Variants in C2CD2L observed in about 807,000 individuals in gnomAD.
The protein encoded by C2CD2L is phospholipid transfer protein C2CD2L.
C2CD2L carries 24 observed loss-of-function variants against 69.9 expected under a neutral mutation model. That is an observed-to-expected ratio of 0.34 (90% CI 0.25 to 0.48). The LOEUF is 0.48. Ranked by LOEUF, C2CD2L falls within the 20% of genes least tolerant of loss-of-function variation. The probability of loss-of-function intolerance (pLI) is 0.99; values close to 1 mark genes in which losing one functional copy is unlikely to be tolerated. For synonymous variants in C2CD2L, 367 were observed against 391.0 expected (o/e 0.94, Z 0.72); for missense variants, 811 against 941.5 (o/e 0.86, Z 1.81).
Position 119,110,888 on chromosome 11 carries a change from C to T in C2CD2L, c.612C>T (p.Leu204=), listed in dbSNP as rs745374994. ...AGGAAATCCCTGGTGAGGGGCTGCT[C>T]ATATCCTGGGCCTTCACTGATCGCC... ...NLEEIPGEGL[L]ISWAFTDRPD... is the part of the protein sequence containing the mutation. The change falls in exon 4 of 14, where the codon CTC becomes CTT. Residue 204 remains leucine (L), a synonymous_variant. Transcript: ENST00000648610. This position sits in a 1 kb window ranked among gnomAD's most constrained non-coding sequence, Gnocchi z 5.7. 12 of 1,614,026 alleles carry T rather than the reference C, an allele frequency of 7.4e-6. No individual in the cohort carries two copies. The East Asian group carries it at 2.2e-4, about 30-fold the overall frequency.
intron 13 of C2CD2L, chr11:119,115,793 C>A (rs1407531646): frequency 1.7e-6 from 1 of 587,646 alleles, no homozygotes; most frequent in Non-Finnish European, 3.0e-6. Flanking sequence ...CAGATCCCCA[C>A]AAGTACCACG....
chr11:119,113,272 A>AC, intron 10 of C2CD2L: 1 of 372,170 alleles, frequency 2.7e-6, no homozygotes, highest in Non-Finnish European at 4.9e-6. Flanking sequence ...TGGCATTTCT[A>AC]CCCCACTCAG....
chr11:119,113,272 A>G (rs189169673), intron 10 of C2CD2L: 20 of 372,170 alleles, frequency 5.4e-5, no homozygotes, highest in South Asian at 1.7e-4. Context: ...TGGCATTTCT[A>G]CCCCACTCAG....
chr11:119,107,994 G>A lies in C2CD2L; in HGVS notation c.253G>A (p.Val85Ile). ...TRAGAAEEPGVRGLLASLFAF... is the reference protein window; with the variant it reads ...TRAGAAEEPGIRGLLASLFAF... ...GGCTGGCGCCGCCGAGGAGCCAGGA[G>A]TCCGGGGCCTCCTGGCGTCACTCTT... Residue 85 changes from valine (V) to isoleucine (I), a missense_variant, in exon 1 of 14, where the codon GTC (valine) becomes ATC (isoleucine). Transcript: ENST00000648610. The surrounding 1 kb of genome is among the most constrained non-coding windows in gnomAD (Gnocchi z 5.4). 2 of 1,583,072 alleles carry A rather than the reference G, an allele frequency of 1.3e-6. No homozygotes were observed. Among genetic ancestry groups the A allele is most frequent in the Non-Finnish European group, 1.7e-6 (2 of 1,168,162 alleles).
In C2CD2L at chr11:119,114,821, TCTCAGCTA is replaced by T. The variant is rs1157146159; in HGVS notation, c.1909+462_1909+469del. The T allele has an allele frequency of 5.1e-6, 1 of 195,294 alleles. No homozygotes were observed. The highest frequency in any genetic ancestry group is 1.1e-5 in the Non-Finnish European group (1 of 93,910). The allele number at this position is 195,294 out of a possible 1,614,324, so 12.1% of individuals were successfully genotyped here. A position where few individuals can be genotyped will look rare whatever the true frequency, so the allele number is the denominator to read the frequency against. ...TGGGCGTAGTGGCACACACCTGTAA[TCTCAGCTA>T]CTCAGGGGGCTGAGGAGGGAGGATT... On this transcript the variant is annotated intron_variant, in intron 13 of 13. Transcript: ENST00000648610. The surrounding 1 kb of genome is among the most constrained non-coding windows in gnomAD (Gnocchi z 5.1).
chr11:119,110,274 G>C lies in C2CD2L; in HGVS notation c.450+75G>C, dbSNP rs1054689897. The C allele has an allele frequency of 8.9e-7, 1 of 1,118,888 alleles. No individual in the cohort carries two copies. The highest frequency in any genetic ancestry group is 1.3e-6 in the Non-Finnish European group (1 of 741,710). 69.3% of individuals were successfully genotyped at this position (1,118,888 alleles called of 1,614,324 possible). A position where few individuals can be genotyped will look rare whatever the true frequency, so the allele number is the denominator to read the frequency against. ...CCCAAGGGCTCCCTTTAGTCCAGAG[G>C]TTCTTAACCTGGAGTCTGTGAATGC... On this transcript the variant is annotated intron_variant, in intron 2 of 13. Coordinates refer to ENST00000648610, the MANE Select transcript of C2CD2L (RefSeq NM_001290474.2). This position sits in a 1 kb window ranked among gnomAD's most constrained non-coding sequence, Gnocchi z 5.7.
rs1278779989 is a variant in C2CD2L at position 119,118,231 on chromosome 11, A to G, written c.*1975A>G. 2.6e-5 allele frequency: 4 copies of G among 152,030 alleles called. No homozygotes were observed. The highest frequency in any genetic ancestry group is 5.9e-5 in the Non-Finnish European group (4 of 68,010). 9.4% of individuals were successfully genotyped at this position (152,030 alleles called of 1,614,324 possible). On this transcript the variant is annotated 3_prime_UTR_variant, in exon 14 of 14. Transcript: ENST00000648610. ...ATCATACCCAATAGGTAGTTTTTCA[A>G]CCCTCACCCTCCTCCCACCTTCTCA...
chr11:119,114,389 CCCT>C lies in C2CD2L; in HGVS notation c.1909+26_1909+28del. The C allele has an allele frequency of 6.2e-7, 1 of 1,611,128 alleles. No individual in the cohort carries two copies. Among genetic ancestry groups the C allele is most frequent in the Middle Eastern group, 1.7e-4 (1 of 6,058 alleles). On this transcript the variant is annotated intron_variant, in intron 13 of 13. Coordinates refer to ENST00000648610, the MANE Select transcript of C2CD2L (RefSeq NM_001290474.2). The surrounding 1 kb of genome is among the most constrained non-coding windows in gnomAD (Gnocchi z 5.1). ...AGGTAGGGGGACGTTGGCAGGGTGC[CCCT>C]CATCTCTTCTTTTATACACATATCA...
rs1946815237 is a variant in C2CD2L, at chr11:119,113,846, C to T, written c.1490-9C>T. Reference sequence around the variant, plus strand: ...AAGTCAGGTTATTCATTCTCTGCACCCCTAGCAGGGGACAGCCACCTTTCC... The same window carrying T: ...AAGTCAGGTTATTCATTCTCTGCACTCCTAGCAGGGGACAGCCACCTTTCC... On this transcript the variant is annotated splice_polypyrimidine_tract_variant and intron_variant, in intron 11 of 13. Transcript: ENST00000648610. The T allele has an allele frequency of 6.2e-7, 1 of 1,613,744 alleles. No homozygotes were observed. The highest frequency in any genetic ancestry group is 1.7e-5 in the Admixed American group (1 of 59,996).
Position 119,114,338 on chromosome 11 carries a change from G to C in C2CD2L, c.1882G>C (p.Glu628Gln). 1 of 1,614,176 alleles carries C rather than the reference G, an allele frequency of 6.2e-7. No individual in the cohort carries two copies. Among genetic ancestry groups the C allele is most frequent in the Non-Finnish European group, 8.5e-7 (1 of 1,180,040 alleles). ...GGAAACGGGGTCCACTGGTGCCCTG[G>C]AGACCCGCAGCCTCAAGGATCACAA... ...ESETGSTGALETRSLKDHKVS... is the reference protein window; with the variant it reads ...ESETGSTGALQTRSLKDHKVS... Residue 628 changes from glutamate (E) to glutamine (Q), a missense_variant, in exon 13 of 14, where the codon GAG (glutamate) becomes CAG (glutamine). By Grantham distance (29) the Glu-to-Gln change is conservative (BLOSUM62 2). Transcript: ENST00000648610. The surrounding 1 kb of genome is among the most constrained non-coding windows in gnomAD (Gnocchi z 5.1).
In C2CD2L at chr11:119,114,479, C is replaced by G; in HGVS notation, c.1909+114C>G. On this transcript the variant is annotated intron_variant, in intron 13 of 13. Coordinates refer to ENST00000648610, the MANE Select transcript of C2CD2L (RefSeq NM_001290474.2). This position sits in a 1 kb window ranked among gnomAD's most constrained non-coding sequence, Gnocchi z 5.1. ...TCCTCCCCTAAGAGATAGCCGGATT[C>G]CCAGCCTAGTTCAGCCAAGCTAGCC... 9.1e-7 allele frequency: 1 copy of G among 1,099,420 alleles called. No homozygotes were observed. The highest frequency in any genetic ancestry group is 1.3e-6 in the Non-Finnish European group (1 of 757,906). The allele number at this position is 1,099,420 out of a possible 1,614,324, so 68.1% of individuals were successfully genotyped here. A position where few individuals can be genotyped will look rare whatever the true frequency, so the allele number is the denominator to read the frequency against.
rs1565772935 is a variant in C2CD2L at position 119,109,644 on chromosome 11, G to A, written c.355-460G>A. The stretch of plus-strand genomic sequence containing the variant: ...TTCTGCAGCTCTTATCTTGAACAAG[G>A]TGGCTCTACCACCTTTACCGGGGCT... On this transcript the variant is annotated intron_variant, in intron 1 of 13. Transcript: ENST00000648610. This position sits in a 1 kb window ranked among gnomAD's most constrained non-coding sequence, Gnocchi z 5.1. Among the ~76,000 whole-genome samples, 1 of 152,236 alleles carries A rather than the reference G, an allele frequency of 6.6e-6. No individual in the cohort carries two copies. Among genetic ancestry groups the A allele is most frequent in the Non-Finnish European group, 1.5e-5 (1 of 68,042 alleles).
Position 119,117,699 on chromosome 11 carries a change from C to G in C2CD2L, c.*1443C>G, listed in dbSNP as rs979105692. ...GGGCAAATTTCAGGGATTGATAGAT[C>G]CTAGCAAACTGTGTCCCTGGTTCCC... On this transcript the variant is annotated 3_prime_UTR_variant, in exon 14 of 14. Transcript: ENST00000648610. 2 of 152,208 alleles carry G rather than the reference C, an allele frequency of 1.3e-5. No individual in the cohort carries two copies. The highest frequency in any genetic ancestry group is 4.8e-5 in the African/African-American group (2 of 41,448). The allele number at this position is 152,208 out of a possible 1,614,324, so 9.4% of individuals were successfully genotyped here. A position where few individuals can be genotyped will look rare whatever the true frequency, so the allele number is the denominator to read the frequency against.
chr11:119,107,525 C>G lies in C2CD2L; in HGVS notation c.-217C>G. 12 of 407,692 alleles carry G rather than the reference C, an allele frequency of 2.9e-5. No individual in the cohort carries two copies. The highest frequency in any genetic ancestry group is 5.2e-5 in the Non-Finnish European group (12 of 232,742). 25.3% of individuals were successfully genotyped at this position (407,692 alleles called of 1,614,324 possible). A position where few individuals can be genotyped will look rare whatever the true frequency, so the allele number is the denominator to read the frequency against. ...CTGACCAAGCTAGGAGAGACCCGGA[C>G]CACGGAGACAGAGACCCCGGCATCG... On this transcript the variant is annotated 5_prime_UTR_variant, in exon 1 of 14. Coordinates refer to ENST00000648610, the MANE Select transcript of C2CD2L (RefSeq NM_001290474.2). This position sits in a 1 kb window ranked among gnomAD's most constrained non-coding sequence, Gnocchi z 5.4.
chr11:119,114,093 A>G lies in C2CD2L; in HGVS notation c.1637A>G (p.Gln546Arg), dbSNP rs778821534. The change falls in exon 13 of 14, where the codon CAG (glutamine) becomes CGG (arginine). Residue 546 changes from glutamine (Q) to arginine (R), a missense_variant. By Grantham distance (43) the Gln-to-Arg change is conservative. Coordinates refer to ENST00000648610, the MANE Select transcript of C2CD2L (RefSeq NM_001290474.2). This position sits in a 1 kb window ranked among gnomAD's most constrained non-coding sequence, Gnocchi z 5.1. ...CCCTCCTGCCAGGTGCCCATTGCTC[A>G]GGACGAGTTGGCGCTATCCCTGGGC... ...ISGVSKVPIA[Q>R]DELALSLGYA... 4 of 1,614,138 alleles carry G rather than the reference A, an allele frequency of 2.5e-6. No individual in the cohort carries two copies. Among genetic ancestry groups the G allele is most frequent in the Admixed American group, 3.3e-5 (2 of 60,022 alleles).
At position 119,116,299 on chromosome 11, in the gene C2CD2L, C is replaced by T; in HGVS notation, c.*43C>T. 1 of 1,467,176 alleles carries T rather than the reference C, an allele frequency of 6.8e-7. No homozygotes were observed. Among genetic ancestry groups the T allele is most frequent in the Admixed American group, 1.7e-5 (1 of 59,376 alleles). 90.9% of individuals were successfully genotyped at this position (1,467,176 alleles called of 1,614,324 possible). A position where few individuals can be genotyped will look rare whatever the true frequency, so the allele number is the denominator to read the frequency against. On this transcript the variant is annotated 3_prime_UTR_variant, in exon 14 of 14. Transcript: ENST00000648610. ...GGCACGAGTTCTCTCAGCCCATTCC[C>T]CACCTCCCCTTCCATACCCCTTCCT...
Position 119,116,375 on chromosome 11 carries a change from G to A in C2CD2L, c.*119G>A, listed in dbSNP as rs573051048. The A allele has an allele frequency of 5.0e-5, 41 of 817,700 alleles. No individual in the cohort carries two copies. The African/African-American group carries it at 6.1e-4, about 12-fold the overall frequency. 50.7% of individuals were successfully genotyped at this position (817,700 alleles called of 1,614,324 possible). A position where few individuals can be genotyped will look rare whatever the true frequency, so the allele number is the denominator to read the frequency against. On this transcript the variant is annotated 3_prime_UTR_variant, in exon 14 of 14. Coordinates refer to ENST00000648610, the MANE Select transcript of C2CD2L (RefSeq NM_001290474.2). ...AGCCCTCTGGGTTCCGGGAAGCCCC[G>A]TCCACCCTGGGCCATGGGGCCGGTT...
In C2CD2L at chr11:119,111,049, C is replaced by T; in HGVS notation, c.682-3C>T. On this transcript the variant is annotated splice_region_variant and splice_polypyrimidine_tract_variant and intron_variant, in intron 4 of 13. Coordinates refer to ENST00000648610, the MANE Select transcript of C2CD2L (RefSeq NM_001290474.2). ...CCTTGTTGTTCCCTTCTTCTCTCTG[C>T]AGAGAGGTGAAGAACAAGTGGAGCT... The T allele has an allele frequency of 6.2e-7, 1 of 1,613,622 alleles. No individual in the cohort carries two copies. Among genetic ancestry groups the T allele is most frequent in the Non-Finnish European group, 8.5e-7 (1 of 1,179,578 alleles).
chr11:119,116,322 C>T lies in C2CD2L; in HGVS notation c.*66C>T. ...CCCCACCTCCCCTTCCATACCCCTT[C>T]CTGGATCTCCAGTGCCTGGGCCAGG... On this transcript the variant is annotated 3_prime_UTR_variant, in exon 14 of 14. Coordinates refer to ENST00000648610, the MANE Select transcript of C2CD2L (RefSeq NM_001290474.2). 1.5e-6 allele frequency: 2 copies of T among 1,312,688 alleles called. No homozygotes were observed. The highest frequency in any genetic ancestry group is 2.3e-5 in the East Asian group (1 of 42,904). The allele number at this position is 1,312,688 out of a possible 1,614,324, so 81.3% of individuals were successfully genotyped here.
Sources: allele counts gnomAD v4.1 joint callset (sites outside exome capture counted in the v4.1 genomes callset), GRCh38; gene constraint gnomAD v4.1.1; non-coding constraint Gnocchi (gnomAD v3.1); transcripts MANE v1.5; gene names NCBI Gene and HGNC (gene_info 2026-07-23, HGNC 2026-07-21).